The following RBFOX1 variants were observed in gnomAD, a reference collection of about 807,000 sequenced individuals.
The protein encoded by RBFOX1 is RNA binding fox-1 homolog 1.
A neutral mutation model predicts 57.7 loss-of-function variants in RBFOX1; 8 were observed. That is an observed-to-expected ratio of 0.14 (90% confidence interval 0.08 to 0.25). The LOEUF is 0.25. RBFOX1 is among the 10% of genes least tolerant of loss of function. The pLI is 1.00. For missense variants in RBFOX1, 611 were observed against 548.5 expected (o/e 1.11, Z -1.14); for synonymous variants, 326 against 222.4 (o/e 1.47, Z -4.15).
At chr16:7,198,501 T>A (rs1215030870) in intron 4 of RBFOX1, among the ~76,000 whole-genome samples, 1 of 152,202 alleles carries the variant, frequency 6.6e-6, no homozygotes, top group Non-Finnish European at 1.5e-5. Context: ...TGTTTTAGTT[T>A]GTTTTGTGTT....
intron 3 of RBFOX1, chr16:5,632,398 A>T (rs1018116951): frequency 1.3e-5 from 2 of 152,224 alleles, no homozygotes; most frequent in South Asian, 4.1e-4. Context: ...GGAGATGCTA[A>T]TAGCTACCCT....
At chr16:6,484,672 TTTA>T (rs1166318518) in intron 2 of RBFOX1, among the ~76,000 whole-genome samples, 2 of 152,108 alleles carry the variant, frequency 1.3e-5, no homozygotes, top group African/African-American at 4.8e-5. Flanking sequence ...AATTGGGGGT[TTTA>T]TTATTTCTTT....
At chr16:6,287,967 G>A (rs916805597) in intron 1 of RBFOX1, among the ~76,000 whole-genome samples, 1 of 152,108 alleles carries the variant, frequency 6.6e-6, no homozygotes, top group Non-Finnish European at 1.5e-5. Context: ...AAAATGAACA[G>A]TGTTAAGCGT....
At position 5,911,514 on chromosome 16, in the gene RBFOX1, G is replaced by C. The variant is rs112262926; in HGVS notation, c.351+44179G>C. ...ACTAACAGAGAGCTCGGCTGTAAAA[G>C]AGCTGGTGTACGTTATGAGTCTTCA... On this transcript the variant is annotated intron_variant, in intron 4 of 19. Coordinates refer to the RBFOX1 transcript ENST00000641259. 5.3e-5 allele frequency among the ~76,000 whole-genome samples: 8 copies of C among 152,280 alleles called. 1 individual carries two copies. Among genetic ancestry groups the C allele is most frequent in the African/African-American group, 1.9e-4 (8 of 41,560 alleles).
chr16:5,320,680 C>A (rs2064377084), intron 1 of RBFOX1, among the ~76,000 whole-genome samples: 2 of 152,128 alleles, frequency 1.3e-5, no homozygotes, highest in African/African-American at 4.8e-5. Context: ...CAGGTGTAGC[C>A]ACGGGAATCT....
At chr16:7,410,229 T>G (rs2098409799) in intron 4 of RBFOX1, among the ~76,000 whole-genome samples, 2 of 152,242 alleles carry the variant, frequency 1.3e-5, no homozygotes, top group Non-Finnish European at 2.9e-5. Flanking sequence ...CACAGTGCTG[T>G]AGGCACTGCA....
intron 4 of RBFOX1, among the ~76,000 whole-genome samples, chr16:7,163,448 G>C (rs2078805545): frequency 6.6e-6 from 1 of 152,074 alleles, no homozygotes; most frequent in South Asian, 2.1e-4. Context: ...TGCTTTGCAA[G>C]TGGGTGACTG....
chr16:5,731,314 C>G (rs909348013), intron 3 of RBFOX1, among the ~76,000 whole-genome samples: 5 of 152,182 alleles, frequency 3.3e-5, no homozygotes, highest in Non-Finnish European at 5.9e-5. Flanking sequence ...ATCATCATCA[C>G]TATCAGTATC....
At chr16:6,630,383 T>C (rs1310813080) in intron 2 of RBFOX1, among the ~76,000 whole-genome samples, 1 of 152,192 alleles carries the variant, frequency 6.6e-6, no homozygotes, top group African/African-American at 2.4e-5. Flanking sequence ...GTTTGATGTT[T>C]TTAATGATAC....
intron 3 of RBFOX1, among the ~76,000 whole-genome samples, chr16:6,799,954 G>C (rs997431383): frequency 6.6e-6 from 1 of 152,106 alleles, no homozygotes; most frequent in Non-Finnish European, 1.5e-5. Flanking sequence ...GATGATGTGA[G>C]TCAATTCTCC....
At chr16:7,666,849 C>T (rs1347479371) in intron 13 of RBFOX1, among the ~76,000 whole-genome samples, 1 of 152,194 alleles carries the variant, frequency 6.6e-6, no homozygotes, top group Admixed American at 6.5e-5. Flanking sequence ...TTTTGTCTCT[C>T]ACACATTCAT....
At chr16:6,805,050 C>A (rs144698204) in intron 3 of RBFOX1, among the ~76,000 whole-genome samples, 72 of 152,250 alleles carry the variant, frequency 4.7e-4, no homozygotes, top group African/African-American at 1.5e-3. Flanking sequence ...GGTTTATATG[C>A]AGAGGAATAT....
chr16:6,869,045 G>A (rs1018392842), intron 3 of RBFOX1, among the ~76,000 whole-genome samples: 1 of 152,154 alleles, frequency 6.6e-6, no homozygotes, highest in Non-Finnish European at 1.5e-5. Flanking sequence ...TGAGCACATG[G>A]TACGAATGAG....
intron 4 of RBFOX1, among the ~76,000 whole-genome samples, chr16:5,888,098 T>C (rs978580258): frequency 1.3e-5 from 2 of 152,138 alleles, no homozygotes; most frequent in Admixed American, 6.5e-5. Flanking sequence ...CTCACCACCT[T>C]CCTCTCAGAC....
intron 3 of RBFOX1, among the ~76,000 whole-genome samples, chr16:6,883,392 G>A (rs9927533): frequency 0.052 from 7,948 of 152,198 alleles, 654 homozygotes; most frequent in African/African-American, 0.18. Context: ...TAAAATCACA[G>A]ATTTCAAAAT....
At chr16:7,108,507 T>C (rs1173972509) in intron 4 of RBFOX1, among the ~76,000 whole-genome samples, 3 of 152,170 alleles carry the variant, frequency 2.0e-5, no homozygotes, top group Non-Finnish European at 4.4e-5. Context: ...GTCTCCAGGA[T>C]ATGTTTCTAG....
chr16:6,152,720 A>C (rs2096806289), intron 1 of RBFOX1, among the ~76,000 whole-genome samples: 1 of 152,074 alleles, frequency 6.6e-6, no homozygotes, highest in African/African-American at 2.4e-5. Flanking sequence ...CACATCTTCC[A>C]CGTGGGCCCA....
rs79538440 is a variant in RBFOX1, at chr16:6,392,715, G to C, written c.-64+75658G>C. On this transcript the variant is annotated intron_variant, in intron 2 of 15. Transcript: ENST00000550418. The stretch of plus-strand genomic sequence containing the variant: ...TCCATAAATATCTGGGGGCACTCCA[G>C]ATTGGGACCTTGAGAACTAGATGGT... 7.3e-4 allele frequency among the ~76,000 whole-genome samples: 111 copies of C among 152,330 alleles called. No homozygotes were observed. The East Asian group carries it at 0.021, about 28-fold the overall frequency.
chr16:6,203,702 G>A (rs752182212), intron 1 of RBFOX1, among the ~76,000 whole-genome samples: 3 of 152,300 alleles, frequency 2.0e-5, no homozygotes, highest in South Asian at 2.1e-4. Flanking sequence ...GATAACAAGC[G>A]TTGGTGAAGA....
Sources: allele counts gnomAD v4.1 joint callset (sites outside exome capture counted in the v4.1 genomes callset), GRCh38; gene constraint gnomAD v4.1.1; transcripts MANE v1.5; gene names NCBI Gene and HGNC (gene_info 2026-07-23, HGNC 2026-07-21).